Variants in EYS observed in about 807,000 individuals in gnomAD.
EYS encodes the protein EGF-like photoreceptor maintenance factor.
In EYS, 250 loss-of-function variants were observed where a neutral mutation model predicts 282.1. The observed-to-expected ratio is 0.89, with a 90% confidence interval of 0.80 to 0.98. The LOEUF (loss-of-function observed/expected upper bound fraction) is 0.98, where lower values mean the gene tolerates loss of function less well. EYS is among the 50% of genes least tolerant of loss of function. EYS has a pLI of 0.00. For synonymous variants in EYS, 1,355 were observed against 1,282.9 expected (o/e 1.06, Z -1.20); for missense variants, 4,016 against 3,709.0 (o/e 1.08, Z -2.15).
At chr6:64,290,797 T>C (rs1476596808) in intron 30 of EYS, among the ~76,000 whole-genome samples, 1 of 151,636 alleles carries the variant, frequency 6.6e-6, no homozygotes, top group Non-Finnish European at 1.5e-5. Context: ...ACTAGGTCTA[T>C]GTTCTACGTT....
chr6:63,803,794 T>C (rs1770835976), intron 37 of EYS, among the ~76,000 whole-genome samples: 2 of 152,140 alleles, frequency 1.3e-5, no homozygotes, highest in African/African-American at 4.8e-5. Flanking sequence ...TCTTTCTATG[T>C]AAAGCTCCCA....
intron 5 of EYS, among the ~76,000 whole-genome samples, chr6:65,437,559 T>A (rs1247526691): frequency 2.0e-5 from 3 of 152,166 alleles, no homozygotes; most frequent in Non-Finnish European, 4.4e-5. Context: ...CAGAACTTAC[T>A]TTACCCACAT....
chr6:65,127,049 G>A (rs536065675), intron 12 of EYS, among the ~76,000 whole-genome samples: 6 of 152,172 alleles, frequency 3.9e-5, no homozygotes, highest in African/African-American at 1.4e-4. Context: ...GCCAGGGGAA[G>A]CTTGCGACAA....
chr6:64,614,671 G>T (rs1767215921), intron 24 of EYS, among the ~76,000 whole-genome samples: 1 of 152,056 alleles, frequency 6.6e-6, no homozygotes, highest in Admixed American at 6.6e-5. Flanking sequence ...ATCATAGTTT[G>T]GCCTAGCCTA....
intron 31 of EYS, among the ~76,000 whole-genome samples, chr6:64,213,754 A>T (rs2150329091): frequency 6.6e-6 from 1 of 152,252 alleles, no homozygotes; most frequent in South Asian, 2.1e-4. Flanking sequence ...AAATGATCTA[A>T]ATGTAAATTA....
intron 28 of EYS, among the ~76,000 whole-genome samples, chr6:64,392,701 C>T (rs1419723794): frequency 6.7e-6 from 1 of 148,204 alleles, no homozygotes; most frequent in Non-Finnish European, 1.5e-5. Flanking sequence ...GACACCCTAA[C>T]ATCACAATTA....
rs185301948 is a variant in EYS at position 63,909,802 on chromosome 6, G to T, written c.7056-45444C>A. ...GAAATTCCTATTAAGCTGGTAGAAG[G>T]TGTCATCTGGACATCAGGACTATCA... On this transcript the variant is annotated intron_variant, in intron 35 of 42. Transcript: ENST00000503581. Among the ~76,000 whole-genome samples, 187 of 152,236 alleles carry T rather than the reference G, an allele frequency of 1.2e-3. 2 individuals carry two copies. The highest frequency in any genetic ancestry group is 3.7e-3 in the South Asian group (18 of 4,826).
chr6:65,512,124 T>C (rs1766899667), intron 2 of EYS, among the ~76,000 whole-genome samples: 2 of 152,116 alleles, frequency 1.3e-5, no homozygotes, highest in African/African-American at 2.4e-5. Flanking sequence ...GTGAAATTTT[T>C]CCCTAACTTT....
chr6:65,182,664 T>C (rs1278457313), intron 12 of EYS, among the ~76,000 whole-genome samples: 4 of 151,962 alleles, frequency 2.6e-5, no homozygotes, highest in African/African-American at 9.7e-5. Context: ...TAATTGGTTT[T>C]TTTTGTAGTA....
intron 30 of EYS, among the ~76,000 whole-genome samples, chr6:64,302,331 G>T (rs1416453260): frequency 6.6e-6 from 1 of 152,116 alleles, no homozygotes; most frequent in Non-Finnish European, 1.5e-5. Flanking sequence ...TTCAACAGGT[G>T]TTAACCCTAG....
intron 13 of EYS, among the ~76,000 whole-genome samples, chr6:64,997,974 G>T (rs1182114059): frequency 6.6e-6 from 1 of 151,960 alleles, no homozygotes; most frequent in African/African-American, 2.4e-5. Flanking sequence ...AAGCAACAAT[G>T]AAAATATCCA....
intron 12 of EYS, among the ~76,000 whole-genome samples, chr6:65,059,273 C>T (rs541811612): frequency 6.6e-6 from 1 of 151,968 alleles, no homozygotes; most frequent in Admixed American, 6.6e-5. Flanking sequence ...AAGGCTATTG[C>T]AATCAAGGAG....
At chr6:64,079,897 C>G (rs923770899) in intron 32 of EYS, among the ~76,000 whole-genome samples, 7 of 152,188 alleles carry the variant, frequency 4.6e-5, no homozygotes, top group Non-Finnish European at 1.0e-4. Flanking sequence ...AGGACATGAA[C>G]TCATCATTTT....
chr6:64,454,643 CTA>C (rs1775497165), intron 26 of EYS, among the ~76,000 whole-genome samples: 1 of 152,026 alleles, frequency 6.6e-6, no homozygotes, highest in Non-Finnish European at 1.5e-5. Context: ...TATAATAAAT[CTA>C]TATGTAGGGT....
chr6:64,470,061 G>A (rs1012328262), intron 26 of EYS, among the ~76,000 whole-genome samples: 1 of 152,076 alleles, frequency 6.6e-6, no homozygotes, highest in Non-Finnish European at 1.5e-5. Flanking sequence ...CACTGGAGAT[G>A]GCTCACACTC....
rs531168179 is a variant in EYS, at chr6:64,328,821, G to A, written c.6079-21739C>T. On this transcript the variant is annotated intron_variant, in intron 29 of 42. Transcript: ENST00000503581. ...AAGATGTGGTTGTGGTCATGGTCGT[G>A]GTAGAGGACAAGCTAGGTAAAACTA... Among the ~76,000 whole-genome samples, 5 of 152,244 alleles carry A rather than the reference G, an allele frequency of 3.3e-5. No homozygotes were observed. The South Asian group carries it at 1.0e-3, about 32-fold the overall frequency.
intron 36 of EYS, among the ~76,000 whole-genome samples, chr6:63,851,579 A>G (rs564083970): frequency 3.3e-5 from 5 of 152,336 alleles, no homozygotes; most frequent in African/African-American, 1.2e-4. Flanking sequence ...ACTACTGGGT[A>G]AATAAAGAAA....
chr6:65,262,943 C>T (rs1413352774), intron 12 of EYS, among the ~76,000 whole-genome samples: 1 of 152,016 alleles, frequency 6.6e-6, no homozygotes, highest in Non-Finnish European at 1.5e-5. Context: ...TTTCCAAGTC[C>T]ATTGTATAAC....
chr6:64,771,645 G>C (rs1279904849), intron 22 of EYS, among the ~76,000 whole-genome samples: 1 of 151,542 alleles, frequency 6.6e-6, no homozygotes, highest in African/African-American at 2.4e-5. Context: ...TTTCATCTTA[G>C]GAATTCTGTA....
Sources: gnomAD v4.1 joint callset for allele counts (sites outside exome capture counted in the v4.1 genomes callset) on GRCh38, gnomAD v4.1.1 for gene constraint, MANE v1.5 for transcripts, NCBI Gene and HGNC (gene_info 2026-07-23, HGNC 2026-07-21) for gene names.